The following ADK variants were observed in gnomAD, a reference collection of about 807,000 sequenced individuals.
The protein encoded by ADK is N6,N6-dimethyladenosine kinase.
ADK carries 24 observed loss-of-function variants against 44.7 expected under a neutral mutation model. The ratio of observed to expected loss-of-function variants is 0.54; its 90% CI spans 0.39 to 0.76. ADK has a LOEUF of 0.76. ADK is among the 30% of genes least tolerant of loss of function. The pLI is 0.00. For synonymous variants in ADK, 128 were observed against 142.6 expected, an observed-to-expected ratio of 0.90 and a Z score of 0.73; for missense variants, 321 against 425.1, an observed-to-expected ratio of 0.76 and a Z score of 2.15.
At chr10:74,382,494 G>A (rs61460529) in intron 4 of ADK, among the ~76,000 whole-genome samples, 237 of 152,170 alleles carry the variant, frequency 1.6e-3, no homozygotes, top group African/African-American at 5.3e-3. Flanking sequence ...CTTTTGTTCT[G>A]ATGAAAGTCA....
At chr10:74,617,485 G>C (rs545770575) in intron 9 of ADK, among the ~76,000 whole-genome samples, 2 of 152,142 alleles carry the variant, frequency 1.3e-5, no homozygotes, top group South Asian at 4.1e-4. Flanking sequence ...CTTTTAATGT[G>C]TGAATTACAG....
intron 3 of ADK, among the ~76,000 whole-genome samples, chr10:74,293,767 CATT>C (rs1464496790): frequency 6.6e-6 from 1 of 152,166 alleles, no homozygotes; most frequent in Non-Finnish European, 1.5e-5. Context: ...CAAAATTCAT[CATT>C]GATTCTTTTA....
chr10:74,605,975 G>C (rs1288208421), intron 9 of ADK, among the ~76,000 whole-genome samples: 1 of 152,148 alleles, frequency 6.6e-6, no homozygotes, highest in East Asian at 1.9e-4. Flanking sequence ...TCTTGGGAGG[G>C]TGTATGTGTC....
chr10:74,363,408 GA>G (rs993012129), intron 4 of ADK, among the ~76,000 whole-genome samples: 4 of 152,154 alleles, frequency 2.6e-5, no homozygotes, highest in Admixed American at 2.6e-4. Context: ...AGCCAAAGCT[GA>G]AACTGCACCA....
At chr10:74,413,053 T>TC (rs201680478) in intron 6 of ADK, among the ~76,000 whole-genome samples, 11 of 149,404 alleles carry the variant, frequency 7.4e-5, no homozygotes, top group African/African-American at 1.7e-4. Flanking sequence ...AGTGAAACTG[T>TC]CCCCAAAAAA....
At chr10:74,408,246 G>A (rs1055459126) in intron 6 of ADK, among the ~76,000 whole-genome samples, 2 of 151,644 alleles carry the variant, frequency 1.3e-5, no homozygotes, top group African/African-American at 4.8e-5. Context: ...ACCCGCCTTG[G>A]ACTCCCAATG....
chr10:74,559,428 T>A (rs989916758), intron 7 of ADK, among the ~76,000 whole-genome samples: 5 of 152,278 alleles, frequency 3.3e-5, no homozygotes, highest in African/African-American at 1.2e-4. Flanking sequence ...TGGTATTATA[T>A]GAATACATCA....
intron 7 of ADK, among the ~76,000 whole-genome samples, chr10:74,583,047 A>G (rs1431405258): frequency 6.6e-6 from 1 of 152,236 alleles, no homozygotes; most frequent in Admixed American, 6.5e-5. Context: ...ATAGTATAAT[A>G]CTAACGTGGT....
intron 6 of ADK, among the ~76,000 whole-genome samples, chr10:74,524,424 C>T (rs1026533405): frequency 2.6e-5 from 4 of 152,012 alleles, no homozygotes; most frequent in Admixed American, 1.3e-4. Context: ...ACAAGGTCTC[C>T]GTGTATTTCC....
chr10:74,499,998 A>G (rs1039996192), intron 6 of ADK, among the ~76,000 whole-genome samples: 6 of 152,196 alleles, frequency 3.9e-5, no homozygotes, highest in African/African-American at 1.4e-4. Flanking sequence ...GGTGAGTTAA[A>G]CAACCTTTCT....
chr10:74,651,132 A>G (rs1315990524), intron 9 of ADK, among the ~76,000 whole-genome samples: 1 of 152,130 alleles, frequency 6.6e-6, no homozygotes, highest in Non-Finnish European at 1.5e-5. Context: ...ATAGTTTAGA[A>G]CCAGTTCTAA....
At chr10:74,469,060 G>A (rs1846461304) in intron 6 of ADK, among the ~76,000 whole-genome samples, 1 of 152,086 alleles carries the variant, frequency 6.6e-6, no homozygotes, top group South Asian at 2.1e-4. Context: ...ACTTTAGGCT[G>A]TACATGGTGG....
intron 4 of ADK, among the ~76,000 whole-genome samples, chr10:74,370,507 C>G (rs185719113): frequency 6.6e-6 from 1 of 152,258 alleles, no homozygotes; most frequent in Non-Finnish European, 1.5e-5. Flanking sequence ...CATTGACCAT[C>G]TGCTTTCCTT....
chr10:74,520,003 A>G (rs1004286781), intron 6 of ADK, among the ~76,000 whole-genome samples: 4 of 151,908 alleles, frequency 2.6e-5, no homozygotes, highest in African/African-American at 7.2e-5. Flanking sequence ...CTCTTTTATC[A>G]TAGATTTTCT....
intron 3 of ADK, among the ~76,000 whole-genome samples, chr10:74,258,245 T>A (rs954051690): frequency 1.3e-5 from 2 of 152,194 alleles, no homozygotes; most frequent in African/African-American, 2.4e-5. Context: ...CTTACTATAG[T>A]AAATGACCAC....
intron 6 of ADK, among the ~76,000 whole-genome samples, chr10:74,421,400 C>G (rs948662556): frequency 6.6e-6 from 1 of 151,962 alleles, no homozygotes; most frequent in Non-Finnish European, 1.5e-5. Context: ...GAGGGGAGAG[C>G]CAGAATGAAA....
chr10:74,650,484 A>G (rs1854221945), intron 9 of ADK, among the ~76,000 whole-genome samples: 1 of 152,160 alleles, frequency 6.6e-6, no homozygotes, highest in African/African-American at 2.4e-5. Context: ...ATTTACTTAT[A>G]TTATCTAAAA....
intron 6 of ADK, among the ~76,000 whole-genome samples, chr10:74,441,812 GA>G (rs1319038193): frequency 6.6e-6 from 1 of 152,070 alleles, no homozygotes; most frequent in Non-Finnish European, 1.5e-5. Flanking sequence ...CCCCATATAT[GA>G]TAAAAGGTTA....
intron 3 of ADK, among the ~76,000 whole-genome samples, chr10:74,300,358 C>CCTTT (rs199964770): frequency 4.2e-4 from 27 of 64,134 alleles, no homozygotes; most frequent in African/African-American, 1.1e-3. Flanking sequence ...TTCCTTCCTT[C>CCTTT]CTTTCTTTCT....
Sources: gnomAD v4.1 joint callset for allele counts (sites outside exome capture counted in the v4.1 genomes callset) on GRCh38, gnomAD v4.1.1 for gene constraint, MANE v1.5 for transcripts, NCBI Gene and HGNC (gene_info 2026-07-23, HGNC 2026-07-21) for gene names.